The following TMEM163 variants were observed in gnomAD, a reference collection of about 807,000 sequenced individuals.
TMEM163 encodes the protein transmembrane protein 163.
In TMEM163, 17 loss-of-function variants were observed where a neutral mutation model predicts 29.3. The observed-to-expected ratio is 0.58, with a 90% CI of 0.40 to 0.87. TMEM163 has a LOEUF of 0.87. Ranked by LOEUF, TMEM163 falls within the 40% of genes least tolerant of loss-of-function variation. The pLI, the probability that TMEM163 is intolerant of heterozygous loss-of-function variation, is 0.00. For synonymous variants in TMEM163, 157 were observed against 160.6 expected (o/e 0.98, Z 0.17); for missense variants, 303 against 381.5 (o/e 0.79, Z 1.71).
chr2:134,650,303 T>C (rs961822634), intron 2 of TMEM163, among the ~76,000 whole-genome samples: 2 of 152,016 alleles, frequency 1.3e-5, no homozygotes, highest in Admixed American at 1.3e-4. Flanking sequence ...ATAAATAACT[T>C]TTTACTTAAA....
chr2:134,551,738 T>C (rs1680930856), intron 3 of TMEM163, among the ~76,000 whole-genome samples: 2 of 152,200 alleles, frequency 1.3e-5, no homozygotes, highest in Non-Finnish European at 2.9e-5. Context: ...AATGCTTTGC[T>C]TCAGTGCGTG....
intron 4 of TMEM163, among the ~76,000 whole-genome samples, chr2:134,541,681 T>C (rs1311913068): frequency 6.6e-6 from 1 of 152,194 alleles, no homozygotes; most frequent in Non-Finnish European, 1.5e-5. Context: ...ACTATGGTGT[T>C]AAATACAGAA....
chr2:134,507,874 GAC>G lies in TMEM163; in HGVS notation c.459-4879_459-4878del, dbSNP rs912058277. Reference sequence around the variant, plus strand: ...CCTGTCTCACACACACACACACACAGACACACACACACACAGACACACTTAAT... The same window carrying G: ...CCTGTCTCACACACACACACACACAGACACACACACACAGACACACTTAAT... On this transcript the variant is annotated intron_variant, in intron 4 of 7. Coordinates refer to ENST00000281924, the MANE Select transcript of TMEM163 (RefSeq NM_030923.5). Among the ~76,000 whole-genome samples, 77 of 149,766 alleles carry G rather than the reference GAC, an allele frequency of 5.1e-4. No individual in the cohort carries two copies. In the East Asian group the frequency reaches 0.013, roughly 26 times the overall value.
chr2:134,552,495 A>G (rs1333465877), intron 2 of TMEM163, among the ~76,000 whole-genome samples: 4 of 152,168 alleles, frequency 2.6e-5, no homozygotes. Context: ...TTGCTAAGAT[A>G]GATGAAAAAA....
At chr2:134,553,399 G>A (rs774411334) in intron 2 of TMEM163, among the ~76,000 whole-genome samples, 2 of 152,200 alleles carry the variant, frequency 1.3e-5, no homozygotes, top group Non-Finnish European at 2.9e-5. Flanking sequence ...ACCAAACAGA[G>A]TTCATTTTCT....
At position 134,693,593 on chromosome 2, in the gene TMEM163, G is replaced by C. The variant is rs528719819; in HGVS notation, c.322+19607C>G. Among the ~76,000 whole-genome samples the C allele has an allele frequency of 2.0e-3, 210 of 105,472 alleles. 1 individual carries two copies. The highest frequency in any genetic ancestry group is 7.2e-3 in the African/African-American group (188 of 26,060). 69.2% of individuals were successfully genotyped at this position (105,472 alleles called of 152,430 possible). ...CACTGCACTCCAGCCTGGGCAACAAGAGCAAAAACTACATCAAAAAAAAAA... is the reference window on the plus strand; with the variant it reads ...CACTGCACTCCAGCCTGGGCAACAACAGCAAAAACTACATCAAAAAAAAAA... On this transcript the variant is annotated intron_variant, in intron 2 of 7. Coordinates refer to ENST00000281924, the MANE Select transcript of TMEM163 (RefSeq NM_030923.5).
chr2:134,701,230 G>T (rs1167924627), intron 2 of TMEM163, among the ~76,000 whole-genome samples: 1 of 151,718 alleles, frequency 6.6e-6, no homozygotes, highest in Non-Finnish European at 1.5e-5. Context: ...AAAGAAAATG[G>T]AAAAGGCAAC....
Position 134,502,902 on chromosome 2 carries a change from A to C in TMEM163, c.554T>G (p.Val185Gly). Reference sequence around the variant, plus strand: ...GTTAAGGAAGAAGAAGGACCTTACCACTTCTGGGAGCAGCCTAGTTGAGAG... The same window carrying C: ...GTTAAGGAAGAAGAAGGACCTTACCCCTTCTGGGAGCAGCCTAGTTGAGAG... ...HDLSTRLLPE[V>G]DDFLFSVSIL... is the part of the protein sequence containing the mutation. Residue 185 changes from valine to glycine, a missense_variant and splice_region_variant, in exon 5 of 8, where the codon GTG becomes GGG. By Grantham distance (109) the Val-to-Gly change is moderately radical. Coordinates refer to ENST00000281924, the MANE Select transcript of TMEM163 (RefSeq NM_030923.5). The C allele has an allele frequency of 6.2e-7, 1 of 1,613,492 alleles. No individual in the cohort carries two copies. The highest frequency in any genetic ancestry group is 1.1e-5 in the South Asian group (1 of 90,892).
At chr2:134,554,752 C>T (rs1681012626) in intron 2 of TMEM163, among the ~76,000 whole-genome samples, 1 of 152,128 alleles carries the variant, frequency 6.6e-6, no homozygotes, top group African/African-American at 2.4e-5. Context: ...CCATGATTTC[C>T]AATACCCTCA....
At chr2:134,689,266 G>A (rs191008264) in intron 2 of TMEM163, among the ~76,000 whole-genome samples, 40 of 151,858 alleles carry the variant, frequency 2.6e-4, no homozygotes, top group African/African-American at 7.2e-4. Context: ...GCATCACCAC[G>A]CCTGGCTAAG....
chr2:134,639,331 T>C (rs752199337), intron 2 of TMEM163, among the ~76,000 whole-genome samples: 7 of 152,234 alleles, frequency 4.6e-5, no homozygotes, highest in African/African-American at 1.2e-4. Flanking sequence ...AGATAACTGA[T>C]ATATAGCAAA....
chr2:134,492,580 A>C (rs1679453674), intron 5 of TMEM163, among the ~76,000 whole-genome samples: 1 of 152,224 alleles, frequency 6.6e-6, no homozygotes, highest in South Asian at 2.1e-4. Flanking sequence ...GTAAAAATTT[A>C]AGTAAACAGA....
chr2:134,678,807 T>C (rs556943824), intron 2 of TMEM163, among the ~76,000 whole-genome samples: 98 of 152,366 alleles, frequency 6.4e-4, no homozygotes, highest in African/African-American at 1.9e-3. Context: ...TCTCAAGTTA[T>C]TGGTTTTTCA....
chr2:134,591,235 T>C (rs1157429628), intron 2 of TMEM163, among the ~76,000 whole-genome samples: 2 of 152,174 alleles, frequency 1.3e-5, no homozygotes, highest in African/African-American at 4.8e-5. Flanking sequence ...AAACTTTCAT[T>C]CCAACCTCAC....
rs754705433 is a variant in TMEM163 at position 134,456,669 on chromosome 2, T to A, written c.*47A>T. ...GTTAAATATTGGCACCCTTTGCCTATGTGGAAACTCCTCATCTCGATGGTC... is the reference window on the plus strand; with the variant it reads ...GTTAAATATTGGCACCCTTTGCCTAAGTGGAAACTCCTCATCTCGATGGTC... On this transcript the variant is annotated 3_prime_UTR_variant, in exon 8 of 8. Coordinates refer to ENST00000281924, the MANE Select transcript of TMEM163 (RefSeq NM_030923.5). The A allele has an allele frequency of 6.2e-7, 1 of 1,605,948 alleles. No individual in the cohort carries two copies. Among genetic ancestry groups the A allele is most frequent in the Non-Finnish European group, 8.5e-7 (1 of 1,174,070 alleles).
intron 4 of TMEM163, among the ~76,000 whole-genome samples, chr2:134,544,097 C>T (rs1574223997): frequency 6.6e-6 from 1 of 152,156 alleles, no homozygotes; most frequent in East Asian, 1.9e-4. Context: ...GTACTGCAAT[C>T]ATATGCAAAA....
At chr2:134,465,189 T>TAAAAAAAA (rs1181405890) in intron 6 of TMEM163, among the ~76,000 whole-genome samples, 6 of 117,716 alleles carry the variant, frequency 5.1e-5, no homozygotes, top group Middle Eastern at 4.9e-3. Flanking sequence ...TCCGCATCTT[T>TAAAAAAAA]AAAAAAAAAA....
At chr2:134,604,113 G>A (rs146926098) in intron 2 of TMEM163, among the ~76,000 whole-genome samples, 316 of 152,088 alleles carry the variant, frequency 2.1e-3, no homozygotes, top group African/African-American at 7.4e-3. Context: ...CCTTCACTCC[G>A]CTGTCAGATT....
At chr2:134,585,490 T>TC (rs752972187) in intron 2 of TMEM163, among the ~76,000 whole-genome samples, 22 of 152,250 alleles carry the variant, frequency 1.4e-4, no homozygotes, top group Non-Finnish European at 2.2e-4. Context: ...ACGCCTGTAA[T>TC]CCAGCACTTT....
Sources: gnomAD v4.1 joint callset for allele counts (sites outside exome capture counted in the v4.1 genomes callset) on GRCh38, gnomAD v4.1.1 for gene constraint, MANE v1.5 for transcripts, NCBI Gene and HGNC (gene_info 2026-07-23, HGNC 2026-07-21) for gene names.